SUMF2: variants seen among roughly 807,000 people sequenced by gnomAD.
The protein encoded by SUMF2 is sulfatase modifying factor 2.
In SUMF2, 45 loss-of-function variants were observed where a neutral mutation model predicts 44.8. The ratio of observed to expected loss-of-function variants is 1.00; its 90% CI spans 0.79 to 1.29. SUMF2 has a LOEUF of 1.29. Ranked by LOEUF, SUMF2 falls within the 50% of genes most tolerant of loss-of-function variation. The pLI is 0.00. For missense variants in SUMF2, 418 were observed against 389.9 expected (o/e 1.07, Z -0.61); for synonymous variants, 148 against 150.4 (o/e 0.98, Z 0.12).
intron 1 of SUMF2, among the ~76,000 whole-genome samples, chr7:56,067,747 G>A (rs1327240472): frequency 6.6e-6 from 1 of 151,778 alleles, no homozygotes; most frequent in African/African-American, 2.4e-5. Flanking sequence ...ACAAAAATTA[G>A]CCAGGTGTGG....
chr7:56,087,086 G>T, the SUMF2 span: 1 of 1,318,954 alleles, frequency 7.6e-7, no homozygotes, highest in Non-Finnish European at 1.1e-6. Context: ...GGCAGCCGGG[G>T]CACGGGGGTC....
the SUMF2 span, chr7:56,087,469 G>T: frequency 2.1e-5 from 17 of 798,618 alleles, 2 homozygotes; most frequent in South Asian, 2.8e-4. Context: ...AGCAGTGAGG[G>T]TGGAGCTGGG....
rs1488582138 is a variant in SUMF2, at chr7:56,072,988, T to C, written c.225-9T>C. ...CACCAGCTGAACCAGCTGAACTATG[T>C]CTTTATAGGGATTTTGTCAGGGAGA... On this transcript the variant is annotated splice_polypyrimidine_tract_variant and intron_variant, in intron 2 of 8. Coordinates refer to ENST00000434526, the MANE Select transcript of SUMF2 (RefSeq NM_015411.4). The C allele has an allele frequency of 6.2e-7, 1 of 1,611,100 alleles. No homozygotes were observed. The highest frequency in any genetic ancestry group is 8.5e-7 in the Non-Finnish European group (1 of 1,177,552).
At chr7:56,080,874 A>T, downstream of SUMF2, 1 of 706,272 alleles carries the variant, frequency 1.4e-6, no homozygotes. Context: ...GTGTGGTGGG[A>T]ACACCCACTT....
rs1337729085 is a variant in SUMF2, at chr7:56,074,275, GC to G, written c.384+60del. The G allele has an allele frequency of 2.6e-5, 40 of 1,537,920 alleles. No homozygotes were observed. The East Asian group carries it at 8.8e-4, about 34-fold the overall frequency. ...CCCCTGCTTGACTCTTATTCTCCAG[GC>G]CCAGCCTCCTCTCTACCCCTCGTAC... On this transcript the variant is annotated intron_variant, in intron 4 of 8. Coordinates refer to ENST00000434526, the MANE Select transcript of SUMF2 (RefSeq NM_015411.4).
rs756790085 is a variant in SUMF2, at chr7:56,064,292, G to C, written c.-20G>C. The C allele has an allele frequency of 4.4e-6, 7 of 1,577,722 alleles. No homozygotes were observed. The highest frequency in any genetic ancestry group is 5.2e-6 in the Non-Finnish European group (6 of 1,162,116). On this transcript the variant is annotated 5_prime_UTR_variant, in exon 1 of 9. Coordinates refer to ENST00000434526, the MANE Select transcript of SUMF2 (RefSeq NM_015411.4). ...GCGCAGCGGGGCCGTGGGTGTACGC[G>C]GCGCAGCGCGGCAGTCCTGATGGCC...
chr7:56,078,604 C>G (rs552900471), intron 8 of SUMF2, 96 bp downstream of exon 8: 1 of 1,363,770 alleles, frequency 7.3e-7, no homozygotes, highest in East Asian at 2.6e-5. Flanking sequence ...CACCACCAAC[C>G]GTCTGTGTGT....
chr7:56,079,077 C>A, intron 8 of SUMF2: 1 of 531,946 alleles, frequency 1.9e-6, no homozygotes, highest in Non-Finnish European at 3.4e-6. Context: ...TTTTGCCATG[C>A]TGCCTAGGTT....
At chr7:56,064,556 T>C (rs1794619730) in intron 1 of SUMF2, among the ~76,000 whole-genome samples, 178 bp downstream of exon 1, 1 of 151,988 alleles carries the variant, frequency 6.6e-6, no homozygotes, top group African/African-American at 2.4e-5. Flanking sequence ...CAACTTCTTG[T>C]TGTGGAATCT....
In SUMF2 at chr7:56,078,089, T is replaced by G. The variant is rs756257518; in HGVS notation, c.592-13T>G. 2 of 1,605,186 alleles carry G rather than the reference T, an allele frequency of 1.2e-6. No homozygotes were observed. Among genetic ancestry groups the G allele is most frequent in the South Asian group, 1.1e-5 (1 of 90,736 alleles). Reference sequence around the variant, plus strand: ...CAGGTGGTAAATCCTTTACCCTTCCTTTCTCCCATCAGGGAAAGTTCCCCA... The same window carrying G: ...CAGGTGGTAAATCCTTTACCCTTCCGTTCTCCCATCAGGGAAAGTTCCCCA... On this transcript the variant is annotated splice_polypyrimidine_tract_variant and intron_variant, in intron 6 of 8. Coordinates refer to ENST00000434526, the MANE Select transcript of SUMF2 (RefSeq NM_015411.4).
chr7:56,068,031 C>CTTTTTTTTTTTT (rs565131237), intron 1 of SUMF2, among the ~76,000 whole-genome samples: 20 of 110,346 alleles, frequency 1.8e-4, no homozygotes, highest in East Asian at 2.7e-4. Flanking sequence ...TTTTTTCTTT[C>CTTTTTTTTTTTT]TTTTTTTTTT....
At chr7:56,085,321 C>T (rs1380949116), downstream of SUMF2, among the ~76,000 whole-genome samples, 3 of 152,146 alleles carry the variant, frequency 2.0e-5, no homozygotes, top group East Asian at 5.8e-4. Context: ...TGGTCTCAAA[C>T]TCCTGGCCTC....
chr7:56,081,127 T>A (rs759404219), downstream of SUMF2: 3 of 1,613,684 alleles, frequency 1.9e-6, no homozygotes, highest in Non-Finnish European at 1.7e-6. The surrounding 1 kb of genome is among the most constrained non-coding windows in gnomAD (Gnocchi z 4.6). Context: ...CCGGTTCTGC[T>A]GCTGCCCCTT....
chr7:56,072,884 A>C (rs1795270809), intron 2 of SUMF2, 113 bp from the exon 3 acceptor site: 1 of 702,448 alleles, frequency 1.4e-6, no homozygotes, highest in African/African-American at 1.8e-5. Context: ...AATCATGAAC[A>C]CTCTGTGGTG....
At chr7:56,085,942 C>A in the SUMF2 span, among the ~76,000 whole-genome samples, 2 of 149,990 alleles carry the variant, frequency 1.3e-5, no homozygotes, top group Admixed American at 1.3e-4. Context: ...CCACTATACT[C>A]CAGCCTGGGC....
downstream of SUMF2, chr7:56,081,927 T>A (rs375001435): frequency 5.3e-5 from 85 of 1,613,440 alleles, no homozygotes; most frequent in Non-Finnish European, 6.9e-5. This position sits in a 1 kb window ranked among gnomAD's most constrained non-coding sequence, Gnocchi z 4.6. Flanking sequence ...ATCATCCCAC[T>A]CGGGCGAGCC....
chr7:56,082,961 C>T (rs1385747388), downstream of SUMF2, among the ~76,000 whole-genome samples: 1 of 152,018 alleles, frequency 6.6e-6, no homozygotes, highest in Non-Finnish European at 1.5e-5. Context: ...CAAAAATTAG[C>T]CGAGCGTTGT....
At chr7:56,077,869 C>A (rs1795666304) in intron 6 of SUMF2, among the ~76,000 whole-genome samples, 1 of 151,836 alleles carries the variant, frequency 6.6e-6, no homozygotes, top group African/African-American at 2.4e-5. Context: ...TGGGCTTGAC[C>A]TGGAGCCCTG....
rs113278665 is a variant in SUMF2 at position 56,074,470 on chromosome 7, C to A, written c.385-116C>A. On this transcript the variant is annotated intron_variant, in intron 4 of 8. Coordinates refer to ENST00000434526, the MANE Select transcript of SUMF2 (RefSeq NM_015411.4). ...GACCACTGGTCACTCACCCGGCTCTCTTCCAGCTCTCTTGCTCCATCTAGT... is the reference window on the plus strand; with the variant it reads ...GACCACTGGTCACTCACCCGGCTCTATTCCAGCTCTCTTGCTCCATCTAGT... The A allele has an allele frequency of 3.2e-5, 44 of 1,396,340 alleles. 2 individuals are homozygous for A. In the African/African-American group the frequency reaches 3.7e-4, roughly 12 times the overall value. 86.5% of individuals were successfully genotyped at this position (1,396,340 alleles called of 1,614,324 possible).
Sources: gnomAD v4.1 joint callset for allele counts (sites outside exome capture counted in the v4.1 genomes callset) on GRCh38, gnomAD v4.1.1 for gene constraint, Gnocchi (gnomAD v3.1) non-coding constraint, MANE v1.5 for transcripts, NCBI Gene and HGNC (gene_info 2026-07-23, HGNC 2026-07-21) for gene names.